MAGI1: variants seen among roughly 807,000 people sequenced by gnomAD.
MAGI1 encodes the protein membrane associated guanylate kinase, WW and PDZ domain containing 1.
A neutral mutation model predicts 139.9 loss-of-function variants in MAGI1; 58 were observed. The ratio of observed to expected loss-of-function variants is 0.41; its 90% confidence interval spans 0.34 to 0.52. MAGI1 has a LOEUF of 0.52. Among genes scored for constraint, MAGI1 ranks in the 20% least tolerant of loss-of-function variants. The pLI, the probability that MAGI1 is intolerant of heterozygous loss-of-function variation, is 0.12. For synonymous variants in MAGI1, 812 were observed against 737.9 expected, an observed-to-expected ratio of 1.10 and a Z score of -1.63; for missense variants, 1,874 against 1,901.6, an observed-to-expected ratio of 0.99 and a Z score of 0.27.
At chr3:66,015,815 CTCTT>C (rs10537492) in intron 1 of MAGI1, among the ~76,000 whole-genome samples, 10,726 of 152,206 alleles carry the variant, frequency 0.07, 400 homozygotes, top group East Asian at 0.08. Context: ...CGCATTTTCT[CTCTT>C]TCTATCTGTA....
chr3:65,377,974 A>G (rs919516766), intron 17 of MAGI1, among the ~76,000 whole-genome samples: 15 of 152,348 alleles, frequency 9.8e-5, no homozygotes, highest in Middle Eastern at 6.8e-3. Flanking sequence ...GATTCTAGCC[A>G]GTTTCCATGT....
intron 2 of MAGI1, among the ~76,000 whole-genome samples, chr3:65,507,752 C>T (rs2077358813): frequency 6.6e-6 from 1 of 152,204 alleles, no homozygotes; most frequent in South Asian, 2.1e-4. Context: ...TGAGCAATTA[C>T]ATTCTCACAT....
intron 2 of MAGI1, among the ~76,000 whole-genome samples, chr3:65,516,838 C>G (rs547984782): frequency 6.8e-6 from 1 of 146,326 alleles, no homozygotes; most frequent in South Asian, 2.2e-4. Context: ...CGCCATTCTC[C>G]TGCCTCAGCC....
intron 2 of MAGI1, among the ~76,000 whole-genome samples, chr3:65,545,692 C>T (rs554820852): frequency 5.3e-5 from 8 of 152,104 alleles, no homozygotes; most frequent in South Asian, 2.1e-4. Context: ...GAAGACTTCT[C>T]GAGAGGCCTC....
intron 1 of MAGI1, among the ~76,000 whole-genome samples, chr3:65,823,803 A>G (rs1180860273): frequency 6.6e-6 from 1 of 152,212 alleles, no homozygotes; most frequent in Admixed American, 6.6e-5. Context: ...GATGCTTCGT[A>G]TAAGCACTGA....
intron 1 of MAGI1, among the ~76,000 whole-genome samples, chr3:65,929,054 G>A (rs1304588021): frequency 4.6e-5 from 7 of 151,668 alleles, no homozygotes; most frequent in African/African-American, 1.7e-4. Flanking sequence ...TTGGGAAGCC[G>A]AAGCGGGAGG....
chr3:65,857,391 C>T (rs532612551), intron 1 of MAGI1, among the ~76,000 whole-genome samples: 1 of 152,234 alleles, frequency 6.6e-6, no homozygotes, highest in South Asian at 2.1e-4. Context: ...TCATTATCAC[C>T]CTATGATTGT....
chr3:65,942,896 C>T (rs981160637), intron 1 of MAGI1, among the ~76,000 whole-genome samples: 6 of 152,070 alleles, frequency 3.9e-5, no homozygotes, highest in Non-Finnish European at 7.4e-5. Flanking sequence ...TGGTGTGCAC[C>T]TGTAATCCCA....
intron 2 of MAGI1, among the ~76,000 whole-genome samples, chr3:65,584,086 G>GAAAAA (rs542674034): frequency 1.0e-5 from 1 of 95,858 alleles, no homozygotes; most frequent in Non-Finnish European, 1.9e-5. Flanking sequence ...ATCTACTCTT[G>GAAAAA]AAAAAAAAAA....
At chr3:65,694,937 T>G (rs2089018888) in intron 1 of MAGI1, among the ~76,000 whole-genome samples, 1 of 152,222 alleles carries the variant, frequency 6.6e-6, no homozygotes, top group Non-Finnish European at 1.5e-5. Context: ...TGTGTATGTA[T>G]TAGCCACTAC....
intron 1 of MAGI1, among the ~76,000 whole-genome samples, chr3:65,754,721 A>G (rs2036424760): frequency 1.3e-5 from 2 of 152,210 alleles, no homozygotes; most frequent in South Asian, 2.1e-4. Flanking sequence ...ACTATTTCAA[A>G]CCAAATATGC....
chr3:65,599,339 G>A (rs2082375422), intron 2 of MAGI1, among the ~76,000 whole-genome samples: 1 of 152,146 alleles, frequency 6.6e-6, no homozygotes, highest in South Asian at 2.1e-4. Flanking sequence ...GGATTTCATA[G>A]CAGATGAGAA....
intron 2 of MAGI1, among the ~76,000 whole-genome samples, chr3:65,602,550 T>C (rs1187109172): frequency 2.6e-5 from 4 of 151,942 alleles, no homozygotes; most frequent in Non-Finnish European, 4.4e-5. Flanking sequence ...TAGAAGGAAA[T>C]GGGATGTGAC....
At chr3:65,367,020 A>T (rs1267102608) in intron 18 of MAGI1, among the ~76,000 whole-genome samples, 1 of 152,192 alleles carries the variant, frequency 6.6e-6, no homozygotes, top group Non-Finnish European at 1.5e-5. Flanking sequence ...CAAGCTGTAT[A>T]GCCCATCGCT....
At chr3:65,609,811 A>T (rs1380063247) in intron 2 of MAGI1, 3 of 319,128 alleles carry the variant, frequency 9.4e-6, no homozygotes, top group South Asian at 2.8e-5. Context: ...TCCTGGGCTC[A>T]AATGATCTGC....
chr3:65,605,295 T>G (rs561477184), intron 2 of MAGI1, among the ~76,000 whole-genome samples: 2 of 152,316 alleles, frequency 1.3e-5, no homozygotes, highest in Non-Finnish European at 1.5e-5. Context: ...AGAACACAAA[T>G]TATGGCTCTC....
intron 1 of MAGI1, among the ~76,000 whole-genome samples, chr3:66,003,284 C>A (rs955930759): frequency 6.6e-6 from 1 of 152,096 alleles, no homozygotes; most frequent in African/African-American, 2.4e-5. Flanking sequence ...CATGTGGAGA[C>A]AAGGACACAC....
chr3:65,529,970 C>T (rs1433242811), intron 2 of MAGI1, among the ~76,000 whole-genome samples: 1 of 152,132 alleles, frequency 6.6e-6, no homozygotes, highest in African/African-American at 2.4e-5. Flanking sequence ...TTTGGAATGT[C>T]TTAAATGACT....
intron 1 of MAGI1, among the ~76,000 whole-genome samples, chr3:65,732,997 T>C (rs950576470): frequency 6.6e-6 from 1 of 152,200 alleles, no homozygotes; most frequent in Non-Finnish European, 1.5e-5. Context: ...TCTTGCTGAT[T>C]GTCTGGACTC....
Sources: allele counts gnomAD v4.1 joint callset (sites outside exome capture counted in the v4.1 genomes callset), GRCh38; gene constraint gnomAD v4.1.1; transcripts MANE v1.5; gene names NCBI Gene and HGNC (gene_info 2026-07-23, HGNC 2026-07-21).